GALK2: variants seen among roughly 807,000 people sequenced by gnomAD.
GALK2 encodes galactokinase 2.
GALK2 carries 36 observed loss-of-function variants against 52.4 expected under a neutral mutation model. The observed-to-expected ratio is 0.69, with a 90% confidence interval of 0.53 to 0.91. The LOEUF is 0.91. GALK2 is among the 40% of genes least tolerant of loss of function. GALK2 has a pLI of 0.00. For missense variants in GALK2, 579 were observed against 559.1 expected (o/e 1.04, Z -0.36); for synonymous variants, 176 against 199.1 (o/e 0.88, Z 0.98).
chr15:49,183,349 C>T (rs2086111798), intron 1 of GALK2, among the ~76,000 whole-genome samples: 1 of 152,060 alleles, frequency 6.6e-6, no homozygotes, highest in Non-Finnish European at 1.5e-5. Flanking sequence ...AAAGGTTTTG[C>T]TGTGTTGTGT....
In GALK2 at chr15:49,327,979, TA is replaced by T. The variant is rs867379954; in HGVS notation, c.1198del (p.Thr400LeufsTer22). ...AGTTTGGGGCTCAAGGGTCACGACT[TA>T]CTGGAGCAGGATGGGGAGGCTGCAC... is the stretch of plus-strand genomic sequence containing the variant. ...RKFGAQGSRL[T>X]GAGWGGCTVS... On this transcript the variant is annotated frameshift_variant, in exon 10 of 10. Transcript: ENST00000560031. LOFTEE classifies it high-confidence loss of function. 3.7e-6 allele frequency: 6 copies of T among 1,613,642 alleles called. No homozygotes were observed. In the African/African-American group the frequency reaches 8.0e-5, roughly 22 times the overall value.
At position 49,270,358 on chromosome 15, in the gene GALK2, C is replaced by T. The variant is rs1163916668; in HGVS notation, c.505-11629C>T. Reference sequence around the variant, plus strand: ...TCATGATCAGAATAGAGGAATCATTCCAGTTCTTCAGAAGAGGCAGTATTT... The same window carrying T: ...TCATGATCAGAATAGAGGAATCATTTCAGTTCTTCAGAAGAGGCAGTATTT... On this transcript the variant is annotated intron_variant, in intron 5 of 9. Transcript: ENST00000560031. 4.6e-5 allele frequency among the ~76,000 whole-genome samples: 7 copies of T among 152,278 alleles called. No individual in the cohort carries two copies. The East Asian group carries it at 1.3e-3, about 29-fold the overall frequency.
intron 2 of GALK2, among the ~76,000 whole-genome samples, chr15:49,208,921 T>G (rs534488076): frequency 1.3e-5 from 2 of 152,370 alleles, no homozygotes; most frequent in Non-Finnish European, 2.9e-5. Flanking sequence ...CCTCTTTGTC[T>G]CTTTTAACTG....
rs1489823285 is a variant in GALK2, at chr15:49,328,302, G to A, written c.*143G>A. 7.0e-7 allele frequency: 1 copy of A among 1,435,728 alleles called. No individual in the cohort carries two copies. Among genetic ancestry groups the A allele is most frequent in the Non-Finnish European group, 9.1e-7 (1 of 1,098,142 alleles). The allele number at this position is 1,435,728 out of a possible 1,614,324, so 88.9% of individuals were successfully genotyped here. A position where few individuals can be genotyped will look rare whatever the true frequency, so the allele number is the denominator to read the frequency against. ...TATCAAGATATATTTTCAAAGAAATGGTTGAAAGCTCTCTATGCTTCATAA... is the reference window on the plus strand; with the variant it reads ...TATCAAGATATATTTTCAAAGAAATAGTTGAAAGCTCTCTATGCTTCATAA... On this transcript the variant is annotated 3_prime_UTR_variant, in exon 10 of 10. Coordinates refer to ENST00000560031, the MANE Select transcript of GALK2 (RefSeq NM_002044.4).
In GALK2 at chr15:49,331,773, AACCT is replaced by A; in HGVS notation, c.*3618_*3621del. The A allele has an allele frequency of 6.4e-7, 1 of 1,561,292 alleles. No individual in the cohort carries two copies. The highest frequency in any genetic ancestry group is 1.4e-5 in the African/African-American group (1 of 73,990). On this transcript the variant is annotated 3_prime_UTR_variant, in exon 10 of 10. Coordinates refer to ENST00000560031, the MANE Select transcript of GALK2 (RefSeq NM_002044.4). ...AATTCTCAATTATTTTCAGAAAGAA[AACCT>A]ACCAGTTTATGTAGGAACTTCTCAA... is the stretch of plus-strand genomic sequence containing the variant.
chr15:49,237,630 C>T (rs999052848), intron 4 of GALK2, among the ~76,000 whole-genome samples: 9 of 151,998 alleles, frequency 5.9e-5, no homozygotes, highest in Non-Finnish European at 1.0e-4. Context: ...GTGCCTGCCA[C>T]CGCGCCTGGC....
intron 3 of GALK2, among the ~76,000 whole-genome samples, chr15:49,346,890 T>C (rs1334114757): frequency 2.0e-5 from 3 of 152,246 alleles, no homozygotes; most frequent in Non-Finnish European, 4.4e-5. Flanking sequence ...AGAGCAGTTA[T>C]ATTCTGTTTA....
Position 49,327,671 on chromosome 15 carries a change from A to G in GALK2, c.1170-281A>G, listed in dbSNP as rs76127260. 1.5e-3 allele frequency: 399 copies of G among 258,964 alleles called. 8 individuals are homozygous for G. In the East Asian group the frequency reaches 0.02, roughly 13 times the overall value. The allele number at this position is 258,964 out of a possible 1,614,324, so 16.0% of individuals were successfully genotyped here. A position where few individuals can be genotyped will look rare whatever the true frequency, so the allele number is the denominator to read the frequency against. The stretch of plus-strand genomic sequence containing the variant: ...TTCAAGTGGCTACTTTATGGAATCA[A>G]TATTACAGTGGGTTATTGCCAGTCA... On this transcript the variant is annotated intron_variant, in intron 9 of 9. Coordinates refer to ENST00000560031, the MANE Select transcript of GALK2 (RefSeq NM_002044.4).
intron 3 of GALK2, among the ~76,000 whole-genome samples, chr15:49,229,502 T>C (rs763260894): frequency 6.6e-6 from 1 of 152,110 alleles, no homozygotes; most frequent in Non-Finnish European, 1.5e-5. Context: ...CTAGCTGTGG[T>C]AGTAGTAGTA....
intron 3 of GALK2, among the ~76,000 whole-genome samples, chr15:49,340,197 A>C (rs1596303947): frequency 1.3e-5 from 2 of 152,026 alleles, no homozygotes; most frequent in African/African-American, 4.8e-5. Flanking sequence ...CTTGGTGTCT[A>C]CCCAAACAGC....
At chr15:49,319,006 A>G (rs1357132457) in intron 8 of GALK2, 5 of 439,600 alleles carry the variant, frequency 1.1e-5, no homozygotes, top group Middle Eastern at 7.4e-4. Flanking sequence ...GCTGGAGTGC[A>G]ACGGCGTGAT....
chr15:49,183,618 C>T (rs1017916780), intron 1 of GALK2, among the ~76,000 whole-genome samples: 7 of 151,948 alleles, frequency 4.6e-5, no homozygotes, highest in South Asian at 2.1e-4. Context: ...CCAAGGCGGG[C>T]GGATCACTTG....
At chr15:49,255,327 C>G (rs1283470024) in intron 5 of GALK2, among the ~76,000 whole-genome samples, 1 of 142,674 alleles carries the variant, frequency 7.0e-6, no homozygotes, top group East Asian at 1.9e-4. Context: ...CATAATAATA[C>G]TCAGTTTTAC....
intron 5 of GALK2, among the ~76,000 whole-genome samples, chr15:49,267,666 T>C (rs2092404256): frequency 6.6e-6 from 1 of 152,218 alleles, no homozygotes; most frequent in Non-Finnish European, 1.5e-5. Flanking sequence ...TTTACTGGAA[T>C]TTTCTAGTTC....
intron 5 of GALK2, among the ~76,000 whole-genome samples, chr15:49,265,716 T>A (rs1377582990): frequency 6.6e-6 from 1 of 152,224 alleles, no homozygotes; most frequent in Non-Finnish European, 1.5e-5. Context: ...CCATCTTTGC[T>A]CCTGCCCCAG....
intron 1 of GALK2, among the ~76,000 whole-genome samples, chr15:49,192,499 A>G (rs775161642): frequency 0.019 from 2,436 of 129,474 alleles, 115 homozygotes; most frequent in South Asian, 0.075. Flanking sequence ...ATATATATAT[A>G]TATATATATA....
At chr15:49,261,010 AG>A (rs1350783323) in intron 5 of GALK2, among the ~76,000 whole-genome samples, 1 of 151,908 alleles carries the variant, frequency 6.6e-6, no homozygotes, top group African/African-American at 2.4e-5. Flanking sequence ...TGATGCCTCC[AG>A]CTTTGTACTT....
chr15:49,341,990 T>C (rs904836659), intron 3 of GALK2, among the ~76,000 whole-genome samples: 2 of 152,180 alleles, frequency 1.3e-5, no homozygotes, highest in Non-Finnish European at 1.5e-5. Context: ...GTGCAGATGA[T>C]AGCAATGTAT....
At chr15:49,332,433 G>A (rs183429014), downstream of GALK2, among the ~76,000 whole-genome samples, 4 of 152,282 alleles carry the variant, frequency 2.6e-5, no homozygotes, top group African/African-American at 9.6e-5. Context: ...AGGGATCCAG[G>A]AATCTCATGA....
Sources: gnomAD v4.1 joint callset for allele counts (sites outside exome capture counted in the v4.1 genomes callset) on GRCh38, gnomAD v4.1.1 for gene constraint, MANE v1.5 for transcripts, NCBI Gene and HGNC (gene_info 2026-07-23, HGNC 2026-07-21) for gene names.